IMMP2L: variants seen among roughly 807,000 people sequenced by gnomAD.
The protein encoded by IMMP2L is inner mitochondrial membrane peptidase subunit 2, also known as mitochondrial inner membrane protease subunit 2.
In IMMP2L, 18 loss-of-function variants were observed where a neutral mutation model predicts 19.3. The ratio of observed to expected loss-of-function variants is 0.93; its 90% CI spans 0.64 to 1.38. The LOEUF is 1.38. IMMP2L is among the 40% of genes most tolerant of loss of function. The pLI, the probability that IMMP2L is intolerant of heterozygous loss-of-function variation, is 0.00. For synonymous variants in IMMP2L, 76 were observed against 73.0 expected, an observed-to-expected ratio of 1.04 and a Z score of -0.21; for missense variants, 233 against 218.2, an observed-to-expected ratio of 1.07 and a Z score of -0.43.
chr7:111,124,425 T>C, intron 3 of IMMP2L: 2 of 1,613,782 alleles, frequency 1.2e-6, no homozygotes, highest in Non-Finnish European at 1.7e-6. Flanking sequence ...TCAAATCTAG[T>C]GTTAAATGGA....
intron 3 of IMMP2L, among the ~76,000 whole-genome samples, chr7:111,235,206 T>G (rs1360256434): frequency 6.6e-6 from 1 of 152,142 alleles, no homozygotes; most frequent in East Asian, 1.9e-4. Context: ...GGACAGTGGC[T>G]CACGCCTGTA....
At chr7:111,019,502 G>C (rs1585785924) in intron 3 of IMMP2L, among the ~76,000 whole-genome samples, 1 of 152,154 alleles carries the variant, frequency 6.6e-6, no homozygotes, top group East Asian at 1.9e-4. Flanking sequence ...AGACAGAGGG[G>C]GAGGCAGCCA....
At chr7:111,202,817 A>G (rs1586810528) in intron 3 of IMMP2L, among the ~76,000 whole-genome samples, 1 of 152,272 alleles carries the variant, frequency 6.6e-6, no homozygotes, top group East Asian at 1.9e-4. Flanking sequence ...TGTGAAGGGG[A>G]TGTTAGGAAT....
chr7:111,017,604 C>T (rs1473368437), intron 3 of IMMP2L, among the ~76,000 whole-genome samples: 2 of 152,140 alleles, frequency 1.3e-5, no homozygotes, highest in East Asian at 3.9e-4. Context: ...TTTTACTCCC[C>T]TTCAGTTTAC....
intron 3 of IMMP2L, among the ~76,000 whole-genome samples, chr7:111,128,718 G>C (rs370864037): frequency 6.6e-6 from 1 of 152,060 alleles, no homozygotes; most frequent in Non-Finnish European, 1.5e-5. Flanking sequence ...CCAGCTACTC[G>C]GGGGCCTGAG....
intron 3 of IMMP2L, among the ~76,000 whole-genome samples, chr7:110,997,859 TAAA>T (rs1177185754): frequency 4.6e-5 from 7 of 152,058 alleles, no homozygotes. Flanking sequence ...ATTCAGGAAA[TAAA>T]AAATATATAC....
intron 1 of IMMP2L, among the ~76,000 whole-genome samples, chr7:111,530,146 TTATCTCAG>T (rs1847255928): frequency 6.6e-6 from 1 of 152,164 alleles, no homozygotes; most frequent in Non-Finnish European, 1.5e-5. Context: ...GGAAATTACT[TTATCTCAG>T]TAAGCAAAAT....
intron 3 of IMMP2L, among the ~76,000 whole-genome samples, chr7:111,335,771 C>T (rs1293617145): frequency 2.6e-5 from 4 of 152,002 alleles, no homozygotes; most frequent in African/African-American, 4.8e-5. Context: ...TATTGTAAAT[C>T]GTTTAAAGGT....
intron 1 of IMMP2L, among the ~76,000 whole-genome samples, chr7:111,560,697 C>T (rs1316145765): frequency 6.6e-6 from 1 of 152,200 alleles, no homozygotes; most frequent in Non-Finnish European, 1.5e-5. Flanking sequence ...TACCCCAAAA[C>T]AGCCATCTCC....
At chr7:111,443,576 T>C (rs972796092) in intron 3 of IMMP2L, among the ~76,000 whole-genome samples, 12 of 152,274 alleles carry the variant, frequency 7.9e-5, no homozygotes, top group South Asian at 2.1e-4. Context: ...GTGTGCTGCT[T>C]TACATTTCTT....
At chr7:111,145,209 T>G (rs1803336662) in intron 3 of IMMP2L, among the ~76,000 whole-genome samples, 1 of 152,122 alleles carries the variant, frequency 6.6e-6, no homozygotes, top group African/African-American at 2.4e-5. Context: ...ACTAAGGATT[T>G]GGATCTTCAT....
chr7:111,561,048 T>C (rs1054926015), intron 1 of IMMP2L, among the ~76,000 whole-genome samples: 1 of 152,198 alleles, frequency 6.6e-6, no homozygotes, highest in African/African-American at 2.4e-5. Flanking sequence ...ATGTGACATA[T>C]AGGATGCATA....
intron 3 of IMMP2L, among the ~76,000 whole-genome samples, chr7:111,070,696 C>T (rs1794878951): frequency 6.6e-6 from 1 of 152,042 alleles, no homozygotes; most frequent in Admixed American, 6.6e-5. Flanking sequence ...TCTGCTGCAC[C>T]ATAGTGGCCA....
intron 4 of IMMP2L, among the ~76,000 whole-genome samples, chr7:110,932,702 A>G (rs961395472): frequency 5.9e-5 from 9 of 152,122 alleles, no homozygotes; most frequent in African/African-American, 2.2e-4. Context: ...AAAATATTTG[A>G]TATTTTTGCC....
At chr7:110,793,548 A>C (rs1188141085) in intron 5 of IMMP2L, among the ~76,000 whole-genome samples, 12 of 152,156 alleles carry the variant, frequency 7.9e-5, no homozygotes, top group Admixed American at 7.9e-4. Context: ...AATTTGAACT[A>C]AAAGAAATCA....
chr7:111,475,385 C>T (rs1841628645), intron 3 of IMMP2L, among the ~76,000 whole-genome samples: 1 of 151,932 alleles, frequency 6.6e-6, no homozygotes, highest in Admixed American at 6.6e-5. Flanking sequence ...CCAGCCTTGC[C>T]ACCTCTACTC....
At chr7:111,183,183 G>A (rs1233388856) in intron 3 of IMMP2L, among the ~76,000 whole-genome samples, 4 of 152,046 alleles carry the variant, frequency 2.6e-5, no homozygotes, top group African/African-American at 9.7e-5. Flanking sequence ...TTTCAAATAA[G>A]TAAGTAATAA....
At chr7:110,732,219 G>C (rs1399562994) in intron 5 of IMMP2L, among the ~76,000 whole-genome samples, 2 of 152,132 alleles carry the variant, frequency 1.3e-5, no homozygotes, top group African/African-American at 2.4e-5. Flanking sequence ...ATTCATAAAA[G>C]GACTTATGAG....
At chr7:111,142,053 C>T (rs182110634) in intron 3 of IMMP2L, among the ~76,000 whole-genome samples, 28 of 152,148 alleles carry the variant, frequency 1.8e-4, no homozygotes, top group Admixed American at 3.9e-4. Flanking sequence ...GGGTCAGGCA[C>T]GGTGGCTCAT....
Sources: allele counts gnomAD v4.1 joint callset (sites outside exome capture counted in the v4.1 genomes callset), GRCh38; gene constraint gnomAD v4.1.1; transcripts MANE v1.5; gene names NCBI Gene and HGNC (gene_info 2026-07-23, HGNC 2026-07-21).